Variants in LRRIQ3 observed in about 807,000 individuals in gnomAD.
The protein encoded by LRRIQ3 is leucine-rich repeat and IQ domain-containing protein 3.
Under a neutral mutation model 59.3 loss-of-function variants are expected in LRRIQ3, and 75 were observed. The observed-to-expected ratio is 1.26, with a 90% CI of 1.05 to 1.53. The LOEUF (loss-of-function observed/expected upper bound fraction) is 1.53. Among genes scored for constraint, LRRIQ3 ranks in the 40% most tolerant of loss-of-function variants. The pLI is 0.00. For synonymous variants in LRRIQ3, 250 were observed against 231.3 expected, an observed-to-expected ratio of 1.08 and a Z score of -0.73; for missense variants, 831 against 710.0, an observed-to-expected ratio of 1.17 and a Z score of -1.94.
At chr1:74,033,111 G>T (rs925910815) in intron 7 of LRRIQ3, among the ~76,000 whole-genome samples, 1 of 151,970 alleles carries the variant, frequency 6.6e-6, no homozygotes, top group African/African-American at 2.4e-5. Context: ...GCTCTTGTAG[G>T]TAACAGGAGA....
chr1:74,100,352 G>C (rs1474160301), intron 5 of LRRIQ3, among the ~76,000 whole-genome samples: 1 of 152,110 alleles, frequency 6.6e-6, no homozygotes, highest in Non-Finnish European at 1.5e-5. Context: ...ACTTACAAGG[G>C]ATGTAAAGGA....
chr1:74,059,295 T>C (rs1405653776), intron 6 of LRRIQ3, among the ~76,000 whole-genome samples: 1 of 149,424 alleles, frequency 6.7e-6, no homozygotes, highest in African/African-American at 2.6e-5. Flanking sequence ...CCTAGTGGCA[T>C]ATCTAAAACA....
chr1:74,183,768 A>G (rs1405065782), intron 1 of LRRIQ3, 84 bp from the exon 2 acceptor site: 2 of 1,214,340 alleles, frequency 1.6e-6, no homozygotes, highest in Non-Finnish European at 2.2e-6. Context: ...GCCAAGAGAT[A>G]GCGCAAGTAA....
chr1:74,175,736 C>T (rs1649599670), intron 3 of LRRIQ3, among the ~76,000 whole-genome samples: 1 of 152,096 alleles, frequency 6.6e-6, no homozygotes, highest in Non-Finnish European at 1.5e-5. Context: ...ATCTCCTATT[C>T]TTCCATCTTG....
At chr1:74,090,297 TC>T (rs1646380749) in intron 5 of LRRIQ3, among the ~76,000 whole-genome samples, 1 of 147,870 alleles carries the variant, frequency 6.8e-6, no homozygotes, top group East Asian at 2.1e-4. Context: ...GATAGACTAG[TC>T]AGAATGGAAT....
intron 4 of LRRIQ3, among the ~76,000 whole-genome samples, chr1:74,154,791 AT>A (rs1211325337): frequency 6.6e-6 from 1 of 152,212 alleles, no homozygotes; most frequent in African/African-American, 2.4e-5. Context: ...TACTCAGGTA[AT>A]TTGACTTGTC....
At chr1:74,103,247 G>T (rs1646559767) in intron 5 of LRRIQ3, among the ~76,000 whole-genome samples, 1 of 151,806 alleles carries the variant, frequency 6.6e-6, no homozygotes, top group Non-Finnish European at 1.5e-5. Context: ...GATTTTTCTA[G>T]CTCTTCCCCA....
At chr1:74,135,671 G>T (rs1047939098) in intron 4 of LRRIQ3, among the ~76,000 whole-genome samples, 4 of 151,756 alleles carry the variant, frequency 2.6e-5, no homozygotes, top group African/African-American at 9.7e-5. Flanking sequence ...AATCACCAAA[G>T]CAATTATAAA....
At chr1:74,178,691 G>A (rs1335646449) in intron 3 of LRRIQ3, among the ~76,000 whole-genome samples, 3 of 152,080 alleles carry the variant, frequency 2.0e-5, no homozygotes, top group Non-Finnish European at 2.9e-5. Flanking sequence ...TGTTTAGGAA[G>A]TAAATGTGTC....
intron 7 of LRRIQ3, among the ~76,000 whole-genome samples, chr1:74,032,951 A>G (rs951020686): frequency 6.6e-6 from 1 of 152,090 alleles, no homozygotes; most frequent in East Asian, 1.9e-4. Context: ...TAAAATATAT[A>G]GAATTTTATA....
At chr1:74,141,983 A>G (rs1444531237) in intron 4 of LRRIQ3, among the ~76,000 whole-genome samples, 1 of 33,516 alleles carries the variant, frequency 3.0e-5, no homozygotes, top group Non-Finnish European at 6.0e-5. Context: ...TTCCATTTAT[A>G]CACACACACA....
At chr1:74,187,620 A>C (rs989554293) in intron 1 of LRRIQ3, among the ~76,000 whole-genome samples, 2 of 152,144 alleles carry the variant, frequency 1.3e-5, no homozygotes, top group Non-Finnish European at 2.9e-5. Context: ...ATAGAAGACT[A>C]CATACTGGGT....
intron 4 of LRRIQ3, among the ~76,000 whole-genome samples, chr1:74,132,155 C>A (rs1277876714): frequency 6.6e-6 from 1 of 152,022 alleles, no homozygotes; most frequent in African/African-American, 2.4e-5. Context: ...ACCTAGGAAT[C>A]CAACTTACAA....
At chr1:74,164,542 A>G (rs1648856309) in intron 3 of LRRIQ3, among the ~76,000 whole-genome samples, 1 of 151,530 alleles carries the variant, frequency 6.6e-6, no homozygotes, top group Non-Finnish European at 1.5e-5. Context: ...ACCTAGTGGT[A>G]CTTTGTTATG....
intron 4 of LRRIQ3, among the ~76,000 whole-genome samples, chr1:74,123,598 C>G (rs554991920): frequency 6.6e-6 from 1 of 152,046 alleles, no homozygotes; most frequent in Non-Finnish European, 1.5e-5. Context: ...ATAATGACTT[C>G]CAATTCCAGC....
chr1:74,116,644 C>T (rs895504403), intron 4 of LRRIQ3, among the ~76,000 whole-genome samples: 18 of 151,870 alleles, frequency 1.2e-4, no homozygotes, highest in African/African-American at 4.4e-4. Context: ...TAGAAAAATA[C>T]AAGGAAGTGA....
intron 3 of LRRIQ3, among the ~76,000 whole-genome samples, chr1:74,174,207 CTTTT>C (rs956770884): frequency 6.6e-6 from 1 of 151,506 alleles, no homozygotes; most frequent in African/African-American, 2.4e-5. Flanking sequence ...TTTCTTCACA[CTTTT>C]TTTTTCTTTT....
chr1:74,185,808 TGG>T (rs1485287091), intron 1 of LRRIQ3, among the ~76,000 whole-genome samples: 1 of 151,732 alleles, frequency 6.6e-6, no homozygotes, highest in African/African-American at 2.4e-5. Context: ...CCGGACGTGG[TGG>T]CGGGCGCCTG....
chr1:74,091,076 A>C (rs1211607847), intron 5 of LRRIQ3, among the ~76,000 whole-genome samples: 2 of 152,088 alleles, frequency 1.3e-5, no homozygotes, highest in South Asian at 2.1e-4. Flanking sequence ...ATCAGGAATA[A>C]CTTTGGTGGC....
Sources: allele counts gnomAD v4.1 joint callset (sites outside exome capture counted in the v4.1 genomes callset), GRCh38; gene constraint gnomAD v4.1.1; transcripts MANE v1.5; gene names NCBI Gene and HGNC (gene_info 2026-07-23, HGNC 2026-07-21).